The following CNST variants were observed in gnomAD, a reference collection of about 807,000 sequenced individuals.
CNST encodes the protein consortin.
In CNST, 39 loss-of-function variants were observed where a neutral mutation model predicts 72.4. That is an observed-to-expected ratio of 0.54 (90% CI 0.42 to 0.70). The LOEUF (loss-of-function observed/expected upper bound fraction) is 0.70, where lower values mean the gene tolerates loss of function less well. Among genes scored for constraint, CNST ranks in the 30% least tolerant of loss-of-function variants. CNST has a pLI of 0.00. For missense variants in CNST, 871 were observed against 868.5 expected (o/e 1.00, Z -0.04); for synonymous variants, 332 against 320.1 (o/e 1.04, Z -0.40).
At chr1:246,663,483 G>A (rs1667225345) in intron 10 of CNST, among the ~76,000 whole-genome samples, 1 of 152,114 alleles carries the variant, frequency 6.6e-6, no homozygotes, top group African/African-American at 2.4e-5. Context: ...GCTTATGCCT[G>A]TAATCCCAGC....
intron 10 of CNST, among the ~76,000 whole-genome samples, chr1:246,662,472 T>C (rs575014160): frequency 6.6e-6 from 1 of 152,328 alleles, no homozygotes; most frequent in Admixed American, 6.5e-5. Flanking sequence ...CGCTGCAACC[T>C]CCGCCTCCCG....
intron 2 of CNST, among the ~76,000 whole-genome samples, chr1:246,602,574 T>C (rs1662363755): frequency 6.6e-6 from 1 of 152,236 alleles, no homozygotes; most frequent in South Asian, 2.1e-4. Flanking sequence ...CATACTTTTT[T>C]AATGACCTAA....
intron 1 of CNST, among the ~76,000 whole-genome samples, chr1:246,580,997 C>G (rs1660746779): frequency 6.6e-6 from 1 of 152,162 alleles, no homozygotes; most frequent in African/African-American, 2.4e-5. Context: ...CCTTGGCTTC[C>G]CAAAGTGCTG....
chr1:246,587,864 T>C (rs12118617), intron 1 of CNST, among the ~76,000 whole-genome samples: 6,651 of 152,316 alleles, frequency 0.044, 194 homozygotes, highest in Middle Eastern at 0.088. Flanking sequence ...TTCATTCACT[T>C]TATCTGCCCC....
At chr1:246,630,849 G>A (rs559223506) in intron 3 of CNST, among the ~76,000 whole-genome samples, 211 of 152,188 alleles carry the variant, frequency 1.4e-3, no homozygotes, top group Non-Finnish European at 2.6e-3. Context: ...AGGTTCAAGC[G>A]ATTCTTCTGC....
chr1:246,623,778 T>G (rs1664242733), intron 3 of CNST, among the ~76,000 whole-genome samples: 1 of 135,964 alleles, frequency 7.4e-6, no homozygotes, highest in African/African-American at 2.8e-5. Context: ...AAAGGGAAAA[T>G]AGGGCCAGGC....
chr1:246,662,670 C>T (rs1280943373), intron 10 of CNST, among the ~76,000 whole-genome samples: 1 of 152,168 alleles, frequency 6.6e-6, no homozygotes. Flanking sequence ...GGATTACAGG[C>T]GTGAGCCACC....
Position 246,661,752 on chromosome 1 carries a change from T to TA in CNST, c.1972+1422dup, listed in dbSNP as rs199515422. 5.7e-3 allele frequency among the ~76,000 whole-genome samples: 871 copies of TA among 152,340 alleles called. 8 individuals are homozygous for TA. Among genetic ancestry groups the TA allele is most frequent in the African/African-American group, 0.02 (843 of 41,570 alleles). ...CATATTCATAAAACAACTGCATTGT[T>TA]AAAATAACAGTGTAAATATTTAGGT... On this transcript the variant is annotated intron_variant, in intron 10 of 10. Coordinates refer to ENST00000366513, the MANE Select transcript of CNST (RefSeq NM_152609.3).
At chr1:246,569,282 A>G (rs1214456455) in intron 1 of CNST, among the ~76,000 whole-genome samples, 1 of 152,208 alleles carries the variant, frequency 6.6e-6, no homozygotes, top group Admixed American at 6.5e-5. Flanking sequence ...TTAAAATGAG[A>G]TATTTTACAT....
chr1:246,648,080 A>T, intron 9 of CNST, 43 bp downstream of exon 9: 2 of 1,554,074 alleles, frequency 1.3e-6, no homozygotes, highest in Non-Finnish European at 1.7e-6. Flanking sequence ...AATGGCATTT[A>T]AAAAACATAT....
At chr1:246,606,928 A>C (rs1181446461) in intron 2 of CNST, 1 of 149,218 alleles carries the variant, frequency 6.7e-6, no homozygotes, top group Non-Finnish European at 1.5e-5. Flanking sequence ...TGGTGTTCCT[A>C]GGATTGTCGC....
At chr1:246,638,828 G>C (rs548496466) in intron 6 of CNST, among the ~76,000 whole-genome samples, 46 of 152,174 alleles carry the variant, frequency 3.0e-4, no homozygotes, top group Non-Finnish European at 5.4e-4. Context: ...GCAGGGTCTT[G>C]GGAGGTAGTG....
At chr1:246,568,952 T>C (rs899235437) in intron 1 of CNST, among the ~76,000 whole-genome samples, 12 of 152,186 alleles carry the variant, frequency 7.9e-5, no homozygotes, top group Admixed American at 7.2e-4. Context: ...CAGGCTGGTC[T>C]CAAATTCCTG....
At chr1:246,664,214 A>G (rs1667262878) in intron 10 of CNST, among the ~76,000 whole-genome samples, 1 of 152,186 alleles carries the variant, frequency 6.6e-6, no homozygotes, top group South Asian at 2.1e-4. Context: ...TTCCATTGTA[A>G]CCAGAACCAC....
intron 2 of CNST, among the ~76,000 whole-genome samples, chr1:246,614,512 AT>A (rs147741779): frequency 0.46 from 65,547 of 141,136 alleles, 14,874 homozygotes; most frequent in Middle Eastern, 0.56. Context: ...ACTGCAATAA[AT>A]TTTTTTTTTT....
intron 1 of CNST, among the ~76,000 whole-genome samples, chr1:246,581,649 T>A (rs1280548022): frequency 6.6e-6 from 1 of 152,272 alleles, no homozygotes; most frequent in Non-Finnish European, 1.5e-5. Context: ...AAACTCCTAA[T>A]GTGTTCTAGA....
intron 8 of CNST, among the ~76,000 whole-genome samples, chr1:246,644,283 A>G (rs1665902943): frequency 6.7e-6 from 1 of 149,108 alleles, no homozygotes; most frequent in Non-Finnish European, 1.5e-5. Context: ...CAGCTGCTGG[A>G]GAGGCTGAGG....
At chr1:246,590,424 C>T (rs1038986512) in intron 1 of CNST, among the ~76,000 whole-genome samples, 2 of 152,134 alleles carry the variant, frequency 1.3e-5, no homozygotes, top group South Asian at 2.1e-4. Flanking sequence ...ACTTCTGTTT[C>T]TTTCCAACTT....
intron 9 of CNST, among the ~76,000 whole-genome samples, chr1:246,654,484 C>T (rs904867749): frequency 2.0e-5 from 3 of 152,224 alleles, no homozygotes; most frequent in Admixed American, 6.5e-5. Context: ...CTCGGAACTT[C>T]AAATGAGGTT....
Sources: allele counts gnomAD v4.1 joint callset (sites outside exome capture counted in the v4.1 genomes callset), GRCh38; gene constraint gnomAD v4.1.1; transcripts MANE v1.5; gene names NCBI Gene and HGNC (gene_info 2026-07-23, HGNC 2026-07-21).